Variants in RAP1GDS1 observed in about 807,000 individuals in gnomAD.
RAP1GDS1 encodes Rap1 GTPase-GDP dissociation stimulator 1, also known as RAP1, GTP-GDP dissociation stimulator 1.
In RAP1GDS1, 35 loss-of-function variants were observed where a neutral mutation model predicts 71.1. The ratio of observed to expected loss-of-function variants is 0.49; its 90% CI spans 0.38 to 0.65. The LOEUF (loss-of-function observed/expected upper bound fraction) is 0.65, where lower values mean the gene tolerates loss of function less well. Ranked by LOEUF, RAP1GDS1 falls within the 30% of genes least tolerant of loss-of-function variation. RAP1GDS1 has a pLI of 0.00. For missense variants in RAP1GDS1, 663 were observed against 706.1 expected (o/e 0.94, Z 0.69); for synonymous variants, 229 against 243.1 (o/e 0.94, Z 0.54).
intron 7 of RAP1GDS1, among the ~76,000 whole-genome samples, chr4:98,408,244 G>A (rs1404537631): frequency 1.3e-5 from 2 of 151,826 alleles, no homozygotes; most frequent in African/African-American, 2.4e-5. Flanking sequence ...CTCCTGCCTC[G>A]GCTTCTCAAG....
rs928393494 is a variant in RAP1GDS1, at chr4:98,420,062, A to G, written c.1218A>G (p.Ala406=). The change falls in exon 11 of 15, where the codon GCA becomes GCG. Residue 406 remains alanine, a synonymous_variant. Transcript: ENST00000408927. ...TGTTATCAGCTGGGGTCACAGAGGCAGTTTTGAAATTTCTTAAATCTGAAA... is the reference window on the plus strand; with the variant it reads ...TGTTATCAGCTGGGGTCACAGAGGCGGTTTTGAAATTTCTTAAATCTGAAA... ...AKMLSAGVTE[A]VLKFLKSEMP... The G allele has an allele frequency of 1.2e-6, 2 of 1,607,754 alleles. No homozygotes were observed.
chr4:98,376,952 A>G (rs1235163317), intron 4 of RAP1GDS1, among the ~76,000 whole-genome samples: 1 of 151,954 alleles, frequency 6.6e-6, no homozygotes, highest in African/African-American at 2.4e-5. Flanking sequence ...TTTGTTGAAT[A>G]AGTTTGTATT....
chr4:98,414,075 T>C (rs1747525344), intron 7 of RAP1GDS1, among the ~76,000 whole-genome samples: 1 of 151,688 alleles, frequency 6.6e-6, no homozygotes, highest in African/African-American at 2.4e-5. Flanking sequence ...TGTTTTTTTC[T>C]TGTAAATTTG....
In RAP1GDS1 at chr4:98,261,577, A is replaced by G; in HGVS notation, c.4+8A>G. On this transcript the variant is annotated splice_region_variant and intron_variant, in intron 1 of 14. Transcript: ENST00000408927. ...CCTCGGGGAGCAACATGGGTAAGTC[A>G]TCCTTCCTCCGCCGTCATCGCCTGA... is the stretch of plus-strand genomic sequence containing the variant. 6.2e-7 allele frequency: 1 copy of G among 1,600,040 alleles called. No individual in the cohort carries two copies. Among genetic ancestry groups the G allele is most frequent in the Non-Finnish European group, 8.5e-7 (1 of 1,172,072 alleles).
chr4:98,308,766 G>GTTC (rs1729769922), intron 2 of RAP1GDS1, among the ~76,000 whole-genome samples: 1 of 152,038 alleles, frequency 6.6e-6, no homozygotes, highest in Non-Finnish European at 1.5e-5. Context: ...ATGAGAATTA[G>GTTC]TATGTAAAGA....
intron 7 of RAP1GDS1, among the ~76,000 whole-genome samples, chr4:98,410,097 C>G (rs115274808): frequency 6.6e-6 from 1 of 152,030 alleles, no homozygotes; most frequent in Non-Finnish European, 1.5e-5. Flanking sequence ...AGTGAGGCCT[C>G]ATCTCTACCA....
intron 4 of RAP1GDS1, among the ~76,000 whole-genome samples, chr4:98,355,642 A>T (rs1310684130): frequency 6.6e-6 from 1 of 152,198 alleles, no homozygotes; most frequent in Non-Finnish European, 1.5e-5. Flanking sequence ...AGCATATTTC[A>T]GTTAGCATAG....
rs774416323 is a variant in RAP1GDS1, at chr4:98,442,156, C to A, written c.*39C>A. 1 of 1,602,100 alleles carries A rather than the reference C, an allele frequency of 6.2e-7. No individual in the cohort carries two copies. The highest frequency in any genetic ancestry group is 8.5e-7 in the Non-Finnish European group (1 of 1,176,020). The stretch of plus-strand genomic sequence containing the variant: ...CACGGCATCATCCCATCTCTAATTT[C>A]CCCTCTGTCCTCCATCCAGCGGCTT... On this transcript the variant is annotated 3_prime_UTR_variant, in exon 15 of 15. Transcript: ENST00000408927.
At chr4:98,345,117 G>A (rs2110402226) in intron 3 of RAP1GDS1, among the ~76,000 whole-genome samples, 1 of 152,350 alleles carries the variant, frequency 6.6e-6, no homozygotes, top group South Asian at 2.1e-4. Flanking sequence ...ACAGGCATGA[G>A]CCACTGATTC....
chr4:98,327,341 C>G, intron 2 of RAP1GDS1, among the ~76,000 whole-genome samples: 1 of 152,148 alleles, frequency 6.6e-6, no homozygotes, highest in Non-Finnish European at 1.5e-5. Context: ...AGAAGGATTA[C>G]ATAATTGTTT....
At chr4:98,296,029 AAAC>A (rs5860532) in intron 2 of RAP1GDS1, among the ~76,000 whole-genome samples, 4,995 of 150,390 alleles carry the variant, frequency 0.033, 98 homozygotes, top group Non-Finnish European at 0.042. Context: ...CTTGCTTTTT[AAAC>A]AACAACAACA....
intron 1 of RAP1GDS1, among the ~76,000 whole-genome samples, chr4:98,269,267 C>T (rs1723130483): frequency 6.7e-6 from 1 of 149,696 alleles, no homozygotes; most frequent in African/African-American, 2.5e-5. Context: ...TACCCACATA[C>T]TGAAGAATGA....
Position 98,318,281 on chromosome 4 carries a change from G to A in RAP1GDS1, c.112+24766G>A, listed in dbSNP as rs55699140. ...GAGTACAGAGATCCTCAGGGGATGCGTTCCTAGACCCACAGTAGATGCCTG... is the reference window on the plus strand; with the variant it reads ...GAGTACAGAGATCCTCAGGGGATGCATTCCTAGACCCACAGTAGATGCCTG... On this transcript the variant is annotated intron_variant, in intron 2 of 14. Transcript: ENST00000408927. Among the ~76,000 whole-genome samples the A allele has an allele frequency of 5.0e-3, 763 of 152,224 alleles. 7 individuals carry two copies. Among genetic ancestry groups the A allele is most frequent in the South Asian group, 0.018 (86 of 4,822 alleles).
At chr4:98,368,116 C>A (rs1447641854) in intron 4 of RAP1GDS1, among the ~76,000 whole-genome samples, 1 of 152,064 alleles carries the variant, frequency 6.6e-6, no homozygotes, top group Non-Finnish European at 1.5e-5. Context: ...GCAGATCTTT[C>A]CTGTGCTGTT....
intron 7 of RAP1GDS1, among the ~76,000 whole-genome samples, chr4:98,412,810 C>T (rs1449883423): frequency 6.6e-6 from 1 of 151,964 alleles, no homozygotes; most frequent in Non-Finnish European, 1.5e-5. Flanking sequence ...CCCTGAGCCA[C>T]AAAACCAGGA....
intron 9 of RAP1GDS1, among the ~76,000 whole-genome samples, 182 bp from the exon 10 acceptor site, chr4:98,418,475 T>A (rs1461954814): frequency 6.6e-6 from 1 of 152,218 alleles, no homozygotes; most frequent in Non-Finnish European, 1.5e-5. Flanking sequence ...TTTAAGAATT[T>A]TTTTTAACAC....
At position 98,415,210 on chromosome 4, in the gene RAP1GDS1, G is replaced by C. The variant is rs74426669; in HGVS notation, c.764-1535G>C. On this transcript the variant is annotated intron_variant, in intron 7 of 14. Transcript: ENST00000408927. ...TGACCCTGCAGGCAGTCAGACCTTT[G>C]GTTGTCTTCTCTTGTTCTGTAAAAT... is the stretch of plus-strand genomic sequence containing the variant. Among the ~76,000 whole-genome samples the C allele has an allele frequency of 3.8e-3, 583 of 152,228 alleles. 5 individuals carry two copies. Among genetic ancestry groups the C allele is most frequent in the African/African-American group, 0.013 (558 of 41,544 alleles).
At chr4:98,356,144 AT>A (rs751428038) in intron 4 of RAP1GDS1, among the ~76,000 whole-genome samples, 1 of 152,138 alleles carries the variant, frequency 6.6e-6, no homozygotes, top group Non-Finnish European at 1.5e-5. Flanking sequence ...TTGTATTTCA[AT>A]TTGGAAAGAA....
chr4:98,400,377 A>C (rs1021776887), intron 6 of RAP1GDS1, among the ~76,000 whole-genome samples: 11 of 152,128 alleles, frequency 7.2e-5, no homozygotes, highest in African/African-American at 2.7e-4. Flanking sequence ...ATGGAATACT[A>C]TTCAGCCACC....
Sources: allele counts gnomAD v4.1 joint callset (sites outside exome capture counted in the v4.1 genomes callset), GRCh38; gene constraint gnomAD v4.1.1; transcripts MANE v1.5; gene names NCBI Gene and HGNC (gene_info 2026-07-23, HGNC 2026-07-21).